The following FRMPD4 variants were observed in gnomAD, a reference collection of about 807,000 sequenced individuals.
The protein encoded by FRMPD4 is FERM and PDZ domain-containing protein 4.
Under a neutral mutation model 94.1 loss-of-function variants are expected in FRMPD4, and 22 were observed. The ratio of observed to expected loss-of-function variants is 0.23; its 90% CI spans 0.17 to 0.33. The LOEUF is 0.33. Ranked by LOEUF, FRMPD4 falls within the 10% of genes least tolerant of loss-of-function variation. The pLI is 1.00. For synonymous variants in FRMPD4, 631 were observed against 548.6 expected (o/e 1.15, Z -2.10); for missense variants, 1,111 against 1,339.9 (o/e 0.83, Z 2.67).
intron 9 of FRMPD4, among the ~76,000 whole-genome samples, chrX:12,697,907 G>A (rs748860838): frequency 6.5e-4 from 73 of 112,098 alleles, no homozygotes; most frequent in African/African-American, 2.1e-3. Context: ...TATATCCTCC[G>A]CTGAAACAGG....
chrX:12,631,293 A>G (rs1229215105), intron 4 of FRMPD4, among the ~76,000 whole-genome samples: 3 of 112,031 alleles, frequency 2.7e-5, no homozygotes, highest in Non-Finnish European at 5.6e-5. Flanking sequence ...AGAATTGGAA[A>G]GAAAGAAGTG....
At chrX:11,934,672 A>G (rs767446555) in intron 3 of FRMPD4, among the ~76,000 whole-genome samples, 1 of 112,143 alleles carries the variant, frequency 8.9e-6, no homozygotes, top group African/African-American at 3.2e-5. Context: ...AATGAGTTAC[A>G]TACATGTGTT....
At chrX:12,428,348 C>T (rs998425823) in intron 1 of FRMPD4, among the ~76,000 whole-genome samples, 2 of 111,517 alleles carry the variant, frequency 1.8e-5, no homozygotes, top group African/African-American at 6.5e-5. Flanking sequence ...TCTTAACCAT[C>T]TGGAAAAGTC....
chrX:11,990,047 G>A (rs1299180221), intron 3 of FRMPD4, among the ~76,000 whole-genome samples: 1 of 111,967 alleles, frequency 8.9e-6, no homozygotes, highest in East Asian at 2.8e-4. Flanking sequence ...CCAAAAGATA[G>A]AAACTGCCAA....
intron 4 of FRMPD4, among the ~76,000 whole-genome samples, chrX:12,627,027 G>A (rs752716307): frequency 7.8e-4 from 87 of 111,722 alleles, no homozygotes; most frequent in Non-Finnish European, 1.3e-3. Flanking sequence ...TGTAATCCCA[G>A]CACTTTGGGA....
rs775578909 is a variant in FRMPD4, at chrX:12,441,131, C to A, written c.42-57549C>A. ...TCCTCTTCACTGTGCTGTTGAAAGC[C>A]CAGCTGGAGGCAACTGTAAACTTAC... On this transcript the variant is annotated intron_variant, in intron 1 of 16. Transcript: ENST00000675598. Among the ~76,000 whole-genome samples, 5 of 111,895 alleles carry A rather than the reference C, an allele frequency of 4.5e-5. No homozygotes were observed. The South Asian group carries it at 1.5e-3, about 34-fold the overall frequency.
chrX:12,207,236 A>G (rs1409902432), intron 1 of FRMPD4, among the ~76,000 whole-genome samples: 2 of 112,042 alleles, frequency 1.8e-5, no homozygotes, highest in Non-Finnish European at 3.8e-5. Context: ...TTTGGCAAGA[A>G]AAAAATGCCT....
At chrX:12,453,132 G>T (rs1252386372) in intron 1 of FRMPD4, among the ~76,000 whole-genome samples, 2 of 112,065 alleles carry the variant, frequency 1.8e-5, no homozygotes, top group Non-Finnish European at 3.8e-5. Context: ...GAGTTTTGTT[G>T]CCCATTTTAA....
At chrX:12,557,226 T>A (rs2058604999) in intron 2 of FRMPD4, among the ~76,000 whole-genome samples, 1 of 101,051 alleles carries the variant, frequency 9.9e-6, no homozygotes, top group Non-Finnish European at 2.0e-5. Context: ...GGCTTGGATC[T>A]TGGCGAAACA....
At chrX:12,408,593 C>G (rs1207047184) in intron 1 of FRMPD4, among the ~76,000 whole-genome samples, 1 of 111,176 alleles carries the variant, frequency 9.0e-6, no homozygotes, top group African/African-American at 3.3e-5. Context: ...TCAGTATCTA[C>G]TGAGTATGAG....
intron 1 of FRMPD4, among the ~76,000 whole-genome samples, chrX:12,423,233 C>T (rs772533462): frequency 1.8e-4 from 18 of 101,565 alleles, no homozygotes; most frequent in African/African-American, 5.3e-4. Flanking sequence ...AGTGAGACGC[C>T]GTCTAAAATA....
Position 12,631,000 on chromosome X carries a change from AAC to A in FRMPD4, c.422+16123_422+16124del, listed in dbSNP as rs760735852. On this transcript the variant is annotated intron_variant, in intron 4 of 16. Coordinates refer to ENST00000675598, the MANE Select transcript of FRMPD4 (RefSeq NM_001368397.1). ...TTCATTTTATGGCTCTTAAATCTTC[AAC>A]ACAGAGCTCCCAGTTTGTCCTTGTC... 5.4e-5 allele frequency among the ~76,000 whole-genome samples: 6 copies of A among 111,380 alleles called. No individual in the cohort carries two copies. In the East Asian group the frequency reaches 1.4e-3, roughly 26 times the overall value.
intron 3 of FRMPD4, among the ~76,000 whole-genome samples, chrX:11,971,267 G>A (rs2054338840): frequency 8.9e-6 from 1 of 112,198 alleles, no homozygotes; most frequent in African/African-American, 3.2e-5. Context: ...AATGCTTTTT[G>A]GGTATAGCAT....
intron 1 of FRMPD4, among the ~76,000 whole-genome samples, chrX:12,351,463 A>G (rs1052047221): frequency 8.9e-6 from 1 of 111,982 alleles, no homozygotes; most frequent in South Asian, 3.7e-4. Flanking sequence ...CCTAGTGACA[A>G]TCTCCATCAT....
chrX:12,498,541 T>C, intron 1 of FRMPD4, 139 bp from the exon 2 acceptor site: 2 of 540,621 alleles, frequency 3.7e-6, no homozygotes, highest in Non-Finnish European at 6.7e-6. Context: ...TAAAAGATAA[T>C]GTGTCGATTT....
intron 2 of FRMPD4, among the ~76,000 whole-genome samples, chrX:12,541,332 T>C (rs2058408600): frequency 9.0e-6 from 1 of 110,980 alleles, no homozygotes; most frequent in African/African-American, 3.3e-5. Flanking sequence ...ACACAATTGA[T>C]AGACGGCTAC....
At chrX:12,436,783 T>A (rs748401732) in intron 1 of FRMPD4, among the ~76,000 whole-genome samples, 3 of 111,860 alleles carry the variant, frequency 2.7e-5, no homozygotes, top group African/African-American at 9.7e-5. Context: ...TATATTCATA[T>A]AAAGAACAAA....
intron 3 of FRMPD4, among the ~76,000 whole-genome samples, chrX:12,062,513 A>C (rs930602749): frequency 1.8e-5 from 2 of 110,989 alleles, no homozygotes; most frequent in Admixed American, 1.9e-4. Flanking sequence ...TTTTTGAGAC[A>C]GGGTCTCACT....
intron 3 of FRMPD4, among the ~76,000 whole-genome samples, chrX:12,074,241 A>T (rs780406559): frequency 8.9e-6 from 1 of 112,126 alleles, no homozygotes; most frequent in South Asian, 3.7e-4. Flanking sequence ...CCTATTTAAA[A>T]GATCACCACT....
Sources: allele counts gnomAD v4.1 joint callset (sites outside exome capture counted in the v4.1 genomes callset), GRCh38; gene constraint gnomAD v4.1.1; transcripts MANE v1.5; gene names NCBI Gene and HGNC (gene_info 2026-07-23, HGNC 2026-07-21).